Variants in SLC35F4 observed in about 807,000 individuals in gnomAD.
SLC35F4 encodes the protein solute carrier family 35 member F4, also known as chromosome 14 open reading frame 36.
Under a neutral mutation model 44.2 loss-of-function variants are expected in SLC35F4, and 24 were observed. The observed-to-expected ratio is 0.54, with a 90% CI of 0.39 to 0.76. The LOEUF is 0.76. SLC35F4 is among the 30% of genes least tolerant of loss of function. The probability of loss-of-function intolerance (pLI) is 0.00; values close to 1 mark genes in which losing one functional copy is unlikely to be tolerated. For synonymous variants in SLC35F4, 238 were observed against 223.6 expected, an observed-to-expected ratio of 1.06 and a Z score of -0.57; for missense variants, 562 against 586.1, an observed-to-expected ratio of 0.96 and a Z score of 0.42.
At chr14:57,817,487 G>C (rs1354482698) in intron 1 of SLC35F4, among the ~76,000 whole-genome samples, 1 of 152,018 alleles carries the variant, frequency 6.6e-6, no homozygotes, top group African/African-American at 2.4e-5. Context: ...TCCCCTTATT[G>C]CCTCCAGAAT....
intron 1 of SLC35F4, among the ~76,000 whole-genome samples, chr14:57,953,535 T>G (rs937940739): frequency 1.3e-5 from 2 of 152,018 alleles, no homozygotes; most frequent in Non-Finnish European, 2.9e-5. Flanking sequence ...AGGAGAACCA[T>G]CTCATGTGAA....
rs184646476 is a variant in SLC35F4, at chr14:57,750,998, C to T, written c.103+114725G>A. Among the ~76,000 whole-genome samples the T allele has an allele frequency of 3.9e-5, 6 of 152,230 alleles. No individual in the cohort carries two copies. In the East Asian group the frequency reaches 5.8e-4, roughly 15 times the overall value. On this transcript the variant is annotated intron_variant, in intron 1 of 7. Transcript: ENST00000556826. ...TCACCCGCCCAGTCTCCTCCGTCTC[C>T]GTTTATCTAGCACACGTTACTTACA...
Position 57,693,884 on chromosome 14 carries a change from C to T in SLC35F4, c.104-99760G>A, listed in dbSNP as rs74464906. Among the ~76,000 whole-genome samples the T allele has an allele frequency of 2.1e-3, 314 of 152,162 alleles. 2 individuals are homozygous for T. Among genetic ancestry groups the T allele is most frequent in the African/African-American group, 7.1e-3 (295 of 41,524 alleles). ...TAGATCCCCAATCAGAATTTGAGCA[C>T]GTATCAGACGAATATATTTTCCCAA... is the stretch of plus-strand genomic sequence containing the variant. On this transcript the variant is annotated intron_variant, in intron 1 of 7. Coordinates refer to ENST00000556826, the MANE Select transcript of SLC35F4 (RefSeq NM_001306087.2).
intron 1 of SLC35F4, among the ~76,000 whole-genome samples, chr14:57,839,712 T>C (rs576376262): frequency 1.2e-3 from 188 of 152,160 alleles, no homozygotes; most frequent in Non-Finnish European, 2.3e-3. Context: ...TGTTTACCTA[T>C]GTAACAAACC....
chr14:57,624,459 C>A (rs922076734), intron 1 of SLC35F4, among the ~76,000 whole-genome samples: 1 of 152,140 alleles, frequency 6.6e-6, no homozygotes, highest in African/African-American at 2.4e-5. Flanking sequence ...TTTTATGAGG[C>A]CAGTGTCATC....
chr14:57,974,319 T>C (rs1057071010), downstream of SLC35F4, among the ~76,000 whole-genome samples: 5 of 152,156 alleles, frequency 3.3e-5, no homozygotes, highest in African/African-American at 9.7e-5. Flanking sequence ...GAAACCCAGA[T>C]GAAAGCTGCA....
chr14:57,718,694 G>A (rs979832051), intron 1 of SLC35F4, among the ~76,000 whole-genome samples: 4 of 152,104 alleles, frequency 2.6e-5, no homozygotes, highest in African/African-American at 9.7e-5. Context: ...TGGATTATTA[G>A]ATTTTTTCCT....
At chr14:57,581,484 T>A in intron 3 of SLC35F4, 51 bp from the exon 4 acceptor site, 2 of 1,497,886 alleles carry the variant, frequency 1.3e-6, no homozygotes, top group Non-Finnish European at 1.8e-6. Context: ...TGACACCTCT[T>A]GTCTTATCTG....
In SLC35F4 at chr14:57,925,523, GAGGGAGGGAGGGAGGGAGGGAGGA is replaced by G. The variant is rs1194996497; in HGVS notation, n.282+56366_282+56389del. On this transcript the variant is annotated intron_variant and non_coding_transcript_variant, in intron 1 of 1. Transcript: ENST00000556568. ...GGAGGGAGGGAGGGAGGGAGGGAGG[GAGGGAGGGAGGGAGGGAGGGAGGA>G]AGGAAGGAAGGAAGGATGACAGGCA... is the stretch of plus-strand genomic sequence containing the variant. 5.8e-4 allele frequency among the ~76,000 whole-genome samples: 58 copies of G among 100,316 alleles called. 2 individuals carry two copies. Among genetic ancestry groups the G allele is most frequent in the South Asian group, 3.9e-3 (8 of 2,068 alleles). 65.8% of individuals were successfully genotyped at this position (100,316 alleles called of 152,430 possible). A position where few individuals can be genotyped will look rare whatever the true frequency, so the allele number is the denominator to read the frequency against.
intron 1 of SLC35F4, among the ~76,000 whole-genome samples, chr14:57,735,064 A>G (rs1009352231): frequency 1.3e-5 from 2 of 152,138 alleles, no homozygotes; most frequent in Non-Finnish European, 2.9e-5. Flanking sequence ...CTGCCACATG[A>G]CAAGTACTGA....
chr14:57,576,585 A>C (rs2068803398), intron 4 of SLC35F4, among the ~76,000 whole-genome samples: 1 of 152,182 alleles, frequency 6.6e-6, no homozygotes, highest in Non-Finnish European at 1.5e-5. Context: ...TTCTATGGAA[A>C]ACTTTCTTTT....
intron 1 of SLC35F4, among the ~76,000 whole-genome samples, chr14:57,832,755 T>G (rs1402525262): frequency 7.9e-6 from 1 of 126,444 alleles, no homozygotes; most frequent in Non-Finnish European, 1.6e-5. Flanking sequence ...GAACACAAAT[T>G]CCCTATACAT....
chr14:57,615,632 CT>C (rs1307519508), intron 1 of SLC35F4, among the ~76,000 whole-genome samples: 1 of 150,124 alleles, frequency 6.7e-6, no homozygotes. Flanking sequence ...AAAAAAAATA[CT>C]GCTCATAATC....
At chr14:57,940,380 G>A (rs539942165) in intron 1 of SLC35F4, among the ~76,000 whole-genome samples, 1 of 152,116 alleles carries the variant, frequency 6.6e-6, no homozygotes, top group African/African-American at 2.4e-5. Flanking sequence ...CTAAAAAATA[G>A]TTCATTCTGT....
intron 1 of SLC35F4, among the ~76,000 whole-genome samples, chr14:57,832,559 C>T (rs958291426): frequency 3.9e-5 from 6 of 152,072 alleles, no homozygotes; most frequent in African/African-American, 1.4e-4. Flanking sequence ...TGCTTTATGA[C>T]AGGACTATTT....
chr14:57,891,619 T>G (rs1384484185), intron 1 of SLC35F4, among the ~76,000 whole-genome samples: 1 of 152,184 alleles, frequency 6.6e-6, no homozygotes, highest in Non-Finnish European at 1.5e-5. Context: ...GGCTGACTCC[T>G]GTAATCCCAG....
chr14:57,721,799 G>A (rs1007019030), intron 1 of SLC35F4, among the ~76,000 whole-genome samples: 3 of 152,098 alleles, frequency 2.0e-5, no homozygotes, highest in Non-Finnish European at 2.9e-5. Context: ...CCCAGTAGTG[G>A]CAACATTGCC....
chr14:57,779,951 T>C (rs1023627222), intron 1 of SLC35F4, among the ~76,000 whole-genome samples: 4 of 152,136 alleles, frequency 2.6e-5, no homozygotes, highest in African/African-American at 9.7e-5. Flanking sequence ...ATAACAGCCA[T>C]TTATGACAAA....
chr14:57,674,568 G>C (rs1046090807), intron 1 of SLC35F4, among the ~76,000 whole-genome samples: 61 of 152,234 alleles, frequency 4.0e-4, no homozygotes, highest in African/African-American at 1.4e-3. Flanking sequence ...AATGTGGGTG[G>C]ATCTCAGAAA....
Sources: allele counts gnomAD v4.1 joint callset (sites outside exome capture counted in the v4.1 genomes callset), GRCh38; gene constraint gnomAD v4.1.1; transcripts MANE v1.5; gene names NCBI Gene and HGNC (gene_info 2026-07-23, HGNC 2026-07-21).